The following PACC1 variants were observed in gnomAD, a reference collection of about 807,000 sequenced individuals.
The protein encoded by PACC1 is proton activated chloride channel 1.
PACC1 carries 34 observed loss-of-function variants against 39.7 expected under a neutral mutation model. The observed-to-expected ratio is 0.86, with a 90% CI of 0.65 to 1.14. The LOEUF (loss-of-function observed/expected upper bound fraction) is 1.14, where lower values mean the gene tolerates loss of function less well. Ranked by LOEUF, PACC1 falls within the 50% of genes most tolerant of loss-of-function variation. The pLI is 0.00. For synonymous variants in PACC1, 127 were observed against 160.6 expected (o/e 0.79, Z 1.58); for missense variants, 379 against 436.4 (o/e 0.87, Z 1.17).
At chr1:212,407,275 G>A (rs1467325105) in intron 2 of PACC1, among the ~76,000 whole-genome samples, 1 of 152,150 alleles carries the variant, frequency 6.6e-6, no homozygotes, top group Non-Finnish European at 1.5e-5. Flanking sequence ...CTGCAGGAAG[G>A]GGCCACAAGC....
chr1:212,380,619 C>T (rs981649580), intron 4 of PACC1, among the ~76,000 whole-genome samples: 1 of 152,256 alleles, frequency 6.6e-6, no homozygotes, highest in South Asian at 2.1e-4. Flanking sequence ...TGCATAGAGA[C>T]AGGTTTTGAA....
At chr1:212,413,928 G>A in intron 1 of PACC1, 1 of 1,535,226 alleles carries the variant, frequency 6.5e-7, no homozygotes. Flanking sequence ...CCAATGAGGC[G>A]GCACGATGGA....
chr1:212,365,088 G>T lies in PACC1; in HGVS notation c.*127C>A. 1 of 942,230 alleles carries T rather than the reference G, an allele frequency of 1.1e-6. No individual in the cohort carries two copies. Among genetic ancestry groups the T allele is most frequent in the Non-Finnish European group, 1.5e-6 (1 of 653,070 alleles). 58.4% of individuals were successfully genotyped at this position (942,230 alleles called of 1,614,324 possible). On this transcript the variant is annotated 3_prime_UTR_variant, in exon 8 of 8. Coordinates refer to ENST00000261455, the MANE Select transcript of PACC1 (RefSeq NM_018252.3). Reference sequence around the variant, plus strand: ...GGGGTTAGAAGTTCCAGTTTTACATGCTGTTCCTCCCAGCAAGGCCCCATT... The same window carrying T: ...GGGGTTAGAAGTTCCAGTTTTACATTCTGTTCCTCCCAGCAAGGCCCCATT...
chr1:212,411,877 A>C (rs1017156192), intron 1 of PACC1, among the ~76,000 whole-genome samples: 2 of 152,222 alleles, frequency 1.3e-5, no homozygotes, highest in East Asian at 3.8e-4. Context: ...ACGGTGGCTC[A>C]TGCCTGTAAT....
rs529476938 is a variant in PACC1, at chr1:212,392,290, C to T, written c.134-5190G>A. On this transcript the variant is annotated intron_variant, in intron 2 of 7. Transcript: ENST00000261455. ...CAGAAGAGTGGGGGCCAATATTCAACATTCTTAAAGAAAAGAATTTTCAAC... is the reference window on the plus strand; with the variant it reads ...CAGAAGAGTGGGGGCCAATATTCAATATTCTTAAAGAAAAGAATTTTCAAC... Among the ~76,000 whole-genome samples the T allele has an allele frequency of 5.3e-5, 8 of 152,336 alleles. 1 individual carries two copies. In the South Asian group the frequency reaches 1.5e-3, roughly 28 times the overall value.
intron 2 of PACC1, among the ~76,000 whole-genome samples, chr1:212,397,036 G>C (rs749048406): frequency 4.6e-5 from 7 of 152,104 alleles, no homozygotes; most frequent in Admixed American, 4.6e-4. Flanking sequence ...CAATGGCTGA[G>C]AGAATTCATC....
intron 7 of PACC1, among the ~76,000 whole-genome samples, chr1:212,367,260 GAA>G (rs1660279018): frequency 1.3e-5 from 2 of 152,166 alleles, no homozygotes; most frequent in Non-Finnish European, 2.9e-5. Context: ...ATAATAACAG[GAA>G]AAGACACACT....
rs1461945617 is a variant in PACC1, at chr1:212,364,182, A to T, written c.*1033T>A. 1 of 152,120 alleles carries T rather than the reference A, an allele frequency of 6.6e-6. No individual in the cohort carries two copies. Among genetic ancestry groups the T allele is most frequent in the African/African-American group, 2.4e-5 (1 of 41,418 alleles). 9.4% of individuals were successfully genotyped at this position (152,120 alleles called of 1,614,324 possible). On this transcript the variant is annotated 3_prime_UTR_variant, in exon 8 of 8. Coordinates refer to ENST00000261455, the MANE Select transcript of PACC1 (RefSeq NM_018252.3). ...ACTCATTTCTGTCAAAGGCTAGGCT[A>T]AAAGCTTTTTGAGGGTCACACTGCG...
intron 7 of PACC1, among the ~76,000 whole-genome samples, chr1:212,372,668 C>T (rs1234632119): frequency 6.6e-6 from 1 of 152,010 alleles, no homozygotes; most frequent in Non-Finnish European, 1.5e-5. Context: ...TCAACACACC[C>T]AAATCAGGAA....
At chr1:212,413,993 T>C (rs1367114107) in intron 1 of PACC1, 13 of 1,535,180 alleles carry the variant, frequency 8.5e-6, no homozygotes, top group African/African-American at 5.5e-5. Flanking sequence ...GGCCGAGAAG[T>C]GGAGGCGGAG....
intron 4 of PACC1, among the ~76,000 whole-genome samples, chr1:212,383,475 A>T (rs527628077): frequency 6.6e-6 from 1 of 152,328 alleles, no homozygotes; most frequent in South Asian, 2.1e-4. Context: ...TATTATACAT[A>T]TAACTCCACA....
chr1:212,404,569 A>G (rs1185122353), intron 2 of PACC1, among the ~76,000 whole-genome samples: 3 of 151,870 alleles, frequency 2.0e-5, no homozygotes, highest in Admixed American at 6.6e-5. Context: ...GATCTCTGAC[A>G]TGTCCTATTT....
intron 1 of PACC1, chr1:212,413,846 C>T (rs1223789214): frequency 4.0e-6 from 6 of 1,491,812 alleles, no homozygotes; most frequent in African/African-American, 2.8e-5. Flanking sequence ...AACACAGTAT[C>T]GCACTCAGAG....
At chr1:212,387,986 G>T (rs1314155928) in intron 2 of PACC1, among the ~76,000 whole-genome samples, 1 of 151,178 alleles carries the variant, frequency 6.6e-6, no homozygotes, top group Non-Finnish European at 1.5e-5. Flanking sequence ...CCCAGGAGGC[G>T]GAGGTTGCAG....
intron 2 of PACC1, 187 bp downstream of exon 2, chr1:212,410,238 T>A: frequency 1.6e-6 from 1 of 629,438 alleles, no homozygotes. Flanking sequence ...TAAGAGCAGA[T>A]ACCAGCCTAG....
intron 2 of PACC1, among the ~76,000 whole-genome samples, chr1:212,397,003 T>C (rs1294353080): frequency 2.0e-5 from 3 of 152,104 alleles, no homozygotes; most frequent in Non-Finnish European, 4.4e-5. Context: ...AAAATGAAGA[T>C]GAAATAAAGA....
intron 2 of PACC1, among the ~76,000 whole-genome samples, chr1:212,409,349 G>A (rs1177808274): frequency 6.6e-6 from 1 of 152,006 alleles, no homozygotes; most frequent in Admixed American, 6.6e-5. Context: ...AGGCTCTGTG[G>A]AAAAAAATGA....
chr1:212,376,059 T>C (rs1168979014), intron 6 of PACC1, among the ~76,000 whole-genome samples: 2 of 151,672 alleles, frequency 1.3e-5, no homozygotes, highest in African/African-American at 2.4e-5. Context: ...CACAGCTGCA[T>C]AGATCCACAC....
intron 2 of PACC1, among the ~76,000 whole-genome samples, chr1:212,408,441 A>G (rs1662004067): frequency 6.6e-6 from 1 of 151,192 alleles, no homozygotes; most frequent in Admixed American, 6.6e-5. Flanking sequence ...TCTCACTGTA[A>G]CCTCCGCCTC....
Sources: gnomAD v4.1 joint callset for allele counts (sites outside exome capture counted in the v4.1 genomes callset) on GRCh38, gnomAD v4.1.1 for gene constraint, MANE v1.5 for transcripts, NCBI Gene and HGNC (gene_info 2026-07-23, HGNC 2026-07-21) for gene names.